Variants in SLC49A4 observed in about 807,000 individuals in gnomAD.
The protein encoded by SLC49A4 is disrupted in renal cancer protein 2.
Under a neutral mutation model 50.6 loss-of-function variants are expected in SLC49A4, and 36 were observed. The observed-to-expected ratio is 0.71, with a 90% CI of 0.55 to 0.94. The LOEUF (loss-of-function observed/expected upper bound fraction) is 0.94, where lower values mean the gene tolerates loss of function less well. Among genes scored for constraint, SLC49A4 ranks in the 40% least tolerant of loss-of-function variants. SLC49A4 has a pLI of 0.00. For missense variants in SLC49A4, 503 were observed against 605.7 expected (o/e 0.83, Z 1.78); for synonymous variants, 248 against 241.2 (o/e 1.03, Z -0.26).
intron 4 of SLC49A4, among the ~76,000 whole-genome samples, chr3:122,840,308 A>G (rs1936753949): frequency 6.6e-6 from 1 of 152,220 alleles, no homozygotes; most frequent in Non-Finnish European, 1.5e-5. Context: ...TGGCAGGTGC[A>G]CCAAAGTCTC....
intron 7 of SLC49A4, among the ~76,000 whole-genome samples, chr3:122,865,407 C>T (rs1937104972): frequency 6.6e-6 from 1 of 152,184 alleles, no homozygotes; most frequent in Admixed American, 6.5e-5. Context: ...TTTGGAACCA[C>T]AGTTGCATAT....
At chr3:122,851,993 CTTT>C (rs368287566) in intron 5 of SLC49A4, among the ~76,000 whole-genome samples, 2 of 128,020 alleles carry the variant, frequency 1.6e-5, no homozygotes, top group Non-Finnish European at 1.7e-5. Flanking sequence ...ATCTTTGATT[CTTT>C]TTTTTTTTTT....
intron 7 of SLC49A4, among the ~76,000 whole-genome samples, chr3:122,870,080 T>A (rs923392865): frequency 6.6e-6 from 1 of 152,236 alleles, no homozygotes; most frequent in Non-Finnish European, 1.5e-5. Context: ...ATTATTACAT[T>A]TTAATTTGTC....
chr3:122,819,788 A>AT (rs1560203152), intron 2 of SLC49A4, among the ~76,000 whole-genome samples: 1 of 151,458 alleles, frequency 6.6e-6, no homozygotes, highest in Non-Finnish European at 1.5e-5. Context: ...CACTTTTGCC[A>AT]TTTTCAACAT....
chr3:122,817,220 A>G (rs753691492), intron 2 of SLC49A4, among the ~76,000 whole-genome samples: 1 of 152,216 alleles, frequency 6.6e-6, no homozygotes, highest in Non-Finnish European at 1.5e-5. Flanking sequence ...GATAGATTTG[A>G]GGAAGAAGAA....
chr3:122,800,410 A>C (rs6785814), intron 1 of SLC49A4, among the ~76,000 whole-genome samples: 103,794 of 152,184 alleles, frequency 0.68, 36,085 homozygotes, highest in Non-Finnish European at 0.77. Context: ...TGAGTGTAGA[A>C]ATTTCTTTCA....
Position 122,804,370 on chromosome 3 carries a change from C to T in SLC49A4, c.344-2487C>T, listed in dbSNP as rs373695417. ...AAACACCTCCCACCAGGCCCCACCT[C>T]CAACATTGAGGATTACATTTCAACG... On this transcript the variant is annotated intron_variant, in intron 1 of 8. Coordinates refer to ENST00000261038, the MANE Select transcript of SLC49A4 (RefSeq NM_032839.3). Among the ~76,000 whole-genome samples the T allele has an allele frequency of 8.5e-5, 13 of 152,352 alleles. 2 individuals carry two copies. Among genetic ancestry groups the T allele is most frequent in the East Asian group, 1.9e-4 (1 of 5,180 alleles).
At chr3:122,824,007 G>T (rs1936488441) in intron 2 of SLC49A4, among the ~76,000 whole-genome samples, 1 of 152,170 alleles carries the variant, frequency 6.6e-6, no homozygotes, top group Non-Finnish European at 1.5e-5. Context: ...GAAGGAGCAG[G>T]ACTAAGTTCT....
intron 7 of SLC49A4, among the ~76,000 whole-genome samples, chr3:122,869,555 C>A (rs1194091070): frequency 6.6e-6 from 1 of 151,874 alleles, no homozygotes; most frequent in African/African-American, 2.4e-5. Context: ...ATACCTATAC[C>A]TGCATAGCAG....
chr3:122,870,142 G>C (rs1400055905), intron 7 of SLC49A4, among the ~76,000 whole-genome samples: 1 of 152,106 alleles, frequency 6.6e-6, no homozygotes, highest in Non-Finnish European at 1.5e-5. Context: ...AATGTAGAAA[G>C]TATTATTTCA....
At chr3:122,863,423 G>A (rs769570998) in intron 7 of SLC49A4, among the ~76,000 whole-genome samples, 1 of 152,198 alleles carries the variant, frequency 6.6e-6, no homozygotes, top group African/African-American at 2.4e-5. Context: ...GTTACTTGTT[G>A]CCAGTGGTAG....
At chr3:122,858,032 T>A (rs1269029899) in intron 6 of SLC49A4, among the ~76,000 whole-genome samples, 1 of 152,212 alleles carries the variant, frequency 6.6e-6, no homozygotes, top group East Asian at 1.9e-4. Flanking sequence ...TTCAGTTATC[T>A]CCTAGCCCTA....
intron 5 of SLC49A4, among the ~76,000 whole-genome samples, chr3:122,851,854 C>A (rs938323391): frequency 2.0e-5 from 3 of 151,744 alleles, no homozygotes; most frequent in African/African-American, 7.3e-5. Flanking sequence ...ATGACATATT[C>A]TTTTTCCTTT....
At chr3:122,868,597 C>T (rs1397110326) in intron 7 of SLC49A4, among the ~76,000 whole-genome samples, 2 of 152,222 alleles carry the variant, frequency 1.3e-5, no homozygotes, top group African/African-American at 4.8e-5. Context: ...TAATCAGCCT[C>T]TGCTTTATGC....
At position 122,879,282 on chromosome 3, in the gene SLC49A4, G is replaced by A. The variant is rs184328949; in HGVS notation, c.1341G>A (p.Trp447Ter). The A allele has an allele frequency of 1.9e-6, 3 of 1,613,940 alleles. No homozygotes were observed. Among genetic ancestry groups the A allele is most frequent in the Admixed American group, 1.7e-5 (1 of 60,008 alleles). ...TTACAGAGTTGTCTTGGTTCAACTG[G>A]TGCCTTCCCGGGTCGTGTTTGCTCA... ...FYHTELSWFN[W>*]CLPGSCLLSL... Residue 447 changes from tryptophan (W) to a stop codon, truncating the protein, a stop_gained, in exon 9 of 9, where the codon TGG (tryptophan) becomes TGA (stop). Transcript: ENST00000261038. LOFTEE classifies it high-confidence loss of function.
rs542044771 is a variant in SLC49A4 at position 122,818,400 on chromosome 3, G to A, written c.438-8400G>A. Among the ~76,000 whole-genome samples, 51 of 152,256 alleles carry A rather than the reference G, an allele frequency of 3.3e-4. 1 individual carries two copies. The South Asian group carries it at 0.01, about 31-fold the overall frequency. ...AGACTGGAAAATCAAAATATTAGTA[G>A]TGGTTGTCTGAATTGGGGTATTCCA... On this transcript the variant is annotated intron_variant, in intron 2 of 8. Coordinates refer to ENST00000261038, the MANE Select transcript of SLC49A4 (RefSeq NM_032839.3).
chr3:122,845,786 C>G lies in SLC49A4; in HGVS notation c.857C>G (p.Ala286Gly). The change falls in exon 5 of 9, where the codon GCT becomes GGT. Residue 286 changes from alanine (A) to glycine (G), a missense_variant. Ala to Gly is a moderately conservative substitution (Grantham distance 60). Transcript: ENST00000261038. Reference sequence around the variant, plus strand: ...AGCAATTTTCGATTTTTGATGATTGCTTTAGCATATGCCATACCACTTGGT... The same window carrying G: ...AGCAATTTTCGATTTTTGATGATTGGTTTAGCATATGCCATACCACTTGGT... ...LLSNFRFLMI[A>G]LAYAIPLGVF... is the part of the protein sequence containing the mutation. 6.2e-7 allele frequency: 1 copy of G among 1,602,564 alleles called. No homozygotes were observed. The highest frequency in any genetic ancestry group is 8.5e-7 in the Non-Finnish European group (1 of 1,175,012).
At chr3:122,806,700 G>A (rs1167794057) in intron 1 of SLC49A4, among the ~76,000 whole-genome samples, 157 bp from the exon 2 acceptor site, 1 of 147,290 alleles carries the variant, frequency 6.8e-6, no homozygotes, top group Non-Finnish European at 1.5e-5. Context: ...CAGCATGTAG[G>A]GTTCGTTGTT....
intron 4 of SLC49A4, among the ~76,000 whole-genome samples, chr3:122,836,107 A>G (rs1936680937): frequency 6.6e-6 from 1 of 152,198 alleles, no homozygotes; most frequent in African/African-American, 2.4e-5. Flanking sequence ...ATAGATGCCC[A>G]TTCAGTGTGA....
Sources: gnomAD v4.1 joint callset for allele counts (sites outside exome capture counted in the v4.1 genomes callset) on GRCh38, gnomAD v4.1.1 for gene constraint, MANE v1.5 for transcripts, NCBI Gene and HGNC (gene_info 2026-07-23, HGNC 2026-07-21) for gene names.